The following DIS3L variants were observed in gnomAD, a reference collection of about 807,000 sequenced individuals.
DIS3L encodes DIS3-like exonuclease 1.
A neutral mutation model predicts 120.3 loss-of-function variants in DIS3L; 100 were observed. The observed-to-expected ratio is 0.83, with a 90% CI of 0.71 to 0.98. The LOEUF (loss-of-function observed/expected upper bound fraction) is 0.98. DIS3L is among the 50% of genes least tolerant of loss of function. DIS3L has a pLI of 0.00. For synonymous variants in DIS3L, 426 were observed against 470.6 expected (o/e 0.91, Z 1.23); for missense variants, 1,196 against 1,314.2 (o/e 0.91, Z 1.39).
At chr15:66,331,245 T>C (rs573851959) in intron 14 of DIS3L, among the ~76,000 whole-genome samples, 4 of 152,160 alleles carry the variant, frequency 2.6e-5, no homozygotes, top group South Asian at 2.1e-4. Context: ...AGGGTTTTCA[T>C]TGGACAGGCT....
rs767625690 is a variant in DIS3L, at chr15:66,311,896, T to C, written c.731T>C (p.Ile244Thr). Residue 244 changes from isoleucine to threonine, a missense_variant, in exon 5 of 17, where the codon ATC (isoleucine) becomes ACC (threonine). Transcript: ENST00000319212. ...LEAGIKSGRY[I>T]QGILNVNKHR... The stretch of plus-strand genomic sequence containing the variant: ...GCTGGGATTAAATCTGGACGCTATA[T>C]CCAGGTGAGGGTGGTAATTTAGAAT... 1 of 1,613,838 alleles carries C rather than the reference T, an allele frequency of 6.2e-7. No homozygotes were observed. Among genetic ancestry groups the C allele is most frequent in the Non-Finnish European group, 8.5e-7 (1 of 1,179,874 alleles).
In DIS3L at chr15:66,325,860, A is replaced by T; in HGVS notation, c.1697A>T (p.Asp566Val). The T allele has an allele frequency of 6.2e-7, 1 of 1,611,822 alleles. No homozygotes were observed. The highest frequency in any genetic ancestry group is 8.5e-7 in the Non-Finnish European group (1 of 1,177,958). The change falls in exon 12 of 17, where the codon GAT becomes GTT. Residue 566 changes from aspartate to valine, a missense_variant. Coordinates refer to ENST00000319212, the MANE Select transcript of DIS3L (RefSeq NM_001143688.3). ...GCTGTAAGCATCATGTGGGAACTGGATAAAGCCTCTTATGAAATTAAGAAA... is the reference window on the plus strand; with the variant it reads ...GCTGTAAGCATCATGTGGGAACTGGTTAAAGCCTCTTATGAAATTAAGAAA... ...RYAVSIMWEL[D>V]KASYEIKKVW... is the part of the protein sequence containing the mutation.
rs1488104328 is a variant in DIS3L, at chr15:66,293,649, C to T, written c.53C>T (p.Thr18Met). ...CTGCTGAGGACCTTCCAGGGCCGCA[C>T]GCTGCGGATCGTGCGCGAGCACTAC... Reference protein sequence around the residue: ...VLLLRTFQGRTLRIVREHYLR... With the variant: ...VLLLRTFQGRMLRIVREHYLR... The change falls in exon 1 of 17, where the codon ACG (threonine) becomes ATG (methionine). Residue 18 changes from threonine (T) to methionine (M), a missense_variant. Transcript: ENST00000319212. 7.0e-7 allele frequency: 1 copy of T among 1,437,776 alleles called. No homozygotes were observed. 89.1% of individuals were successfully genotyped at this position (1,437,776 alleles called of 1,614,324 possible).
At position 66,306,884 on chromosome 15, in the gene DIS3L, T is replaced by C; in HGVS notation, c.354T>C (p.Ala118=). 6.2e-7 allele frequency: 1 copy of C among 1,614,190 alleles called. No homozygotes were observed. Among genetic ancestry groups the C allele is most frequent in the South Asian group, 1.1e-5 (1 of 91,084 alleles). ...KDARHDCILF[A]NEFQQCCYLP... is the part of the protein sequence containing the mutation. ...CGCGTCATGATTGCATTCTCTTTGC[T>C]AATGAATTCCAGCAATGCTGCTATC... The change falls in exon 3 of 17, where the codon GCT becomes GCC. Residue 118 remains alanine (A), a synonymous_variant. Coordinates refer to ENST00000319212, the MANE Select transcript of DIS3L (RefSeq NM_001143688.3).
chr15:66,318,980 A>G (rs1467137268), intron 8 of DIS3L, among the ~76,000 whole-genome samples: 2 of 151,974 alleles, frequency 1.3e-5, no homozygotes, highest in Non-Finnish European at 2.9e-5. Flanking sequence ...TTTAGTAGAG[A>G]TGGGGTTTCA....
intron 2 of DIS3L, among the ~76,000 whole-genome samples, chr15:66,304,104 A>C (rs1424224965): frequency 1.3e-5 from 2 of 148,738 alleles, no homozygotes; most frequent in African/African-American, 2.5e-5. Context: ...AAAAAAAAAA[A>C]AAAAAAAACA....
At chr15:66,302,198 A>G (rs1246088333) in intron 2 of DIS3L, among the ~76,000 whole-genome samples, 1 of 152,120 alleles carries the variant, frequency 6.6e-6, no homozygotes, top group Non-Finnish European at 1.5e-5. Context: ...CCCTGTCTCA[A>G]TACAAAAAAA....
At chr15:66,332,314 G>A (rs931659487) in intron 15 of DIS3L, among the ~76,000 whole-genome samples, 51 of 152,110 alleles carry the variant, frequency 3.4e-4, no homozygotes, top group African/African-American at 1.2e-3. Flanking sequence ...AAAATTAGCC[G>A]GGCATGGTGA....
chr15:66,318,770 T>C (rs1009674684), intron 8 of DIS3L, 152 bp downstream of exon 8: 6 of 890,340 alleles, frequency 6.7e-6, no homozygotes, highest in African/African-American at 1.7e-5. Flanking sequence ...TACTGGGATG[T>C]GTTTTTTGGG....
At chr15:66,307,093 AC>A in intron 3 of DIS3L, 141 bp downstream of exon 3, 2 of 1,104,722 alleles carry the variant, frequency 1.8e-6, no homozygotes, top group Non-Finnish European at 2.5e-6. Flanking sequence ...CGAAATGCTT[AC>A]CATGTCAATA....
rs748277287 is a variant in DIS3L at position 66,306,907 on chromosome 15, A to C, written c.377A>C (p.Tyr126Ser). 6.2e-7 allele frequency: 1 copy of C among 1,614,164 alleles called. No homozygotes were observed. The highest frequency in any genetic ancestry group is 8.5e-7 in the Non-Finnish European group (1 of 1,179,998). The change falls in exon 3 of 17, where the codon TAT (tyrosine) becomes TCT (serine). Residue 126 changes from tyrosine (Y) to serine (S), a missense_variant. By Grantham distance (144) the Tyr-to-Ser change is moderately radical. Transcript: ENST00000319212. Reference sequence around the variant, plus strand: ...GCTAATGAATTCCAGCAATGCTGCTATCTGCCACGGGAAAGAGGAGAGTCC... The same window carrying C: ...GCTAATGAATTCCAGCAATGCTGCTCTCTGCCACGGGAAAGAGGAGAGTCC... ...LFANEFQQCCYLPRERGESME... is the reference protein window; with the variant it reads ...LFANEFQQCCSLPRERGESME...
intron 8 of DIS3L, 136 bp downstream of exon 8, chr15:66,318,754 C>G (rs1027464043): frequency 1.0e-6 from 1 of 959,856 alleles, no homozygotes; most frequent in Non-Finnish European, 1.5e-6. Context: ...ATCTGGCATT[C>G]CAAGATACTG....
At chr15:66,298,171 C>T (rs2140318418) in intron 2 of DIS3L, among the ~76,000 whole-genome samples, 1 of 112,326 alleles carries the variant, frequency 8.9e-6, no homozygotes, top group Non-Finnish European at 1.8e-5. Flanking sequence ...AAAAGCAAGA[C>T]TCCGTCTCAA....
intron 14 of DIS3L, 85 bp from the exon 15 acceptor site, chr15:66,331,789 AT>A: frequency 7.3e-7 from 1 of 1,364,572 alleles, no homozygotes; most frequent in Non-Finnish European, 9.6e-7. Flanking sequence ...GTTTTACAGA[AT>A]CTCACATTTG....
intron 2 of DIS3L, among the ~76,000 whole-genome samples, chr15:66,301,927 A>G (rs574278289): frequency 6.6e-6 from 1 of 152,218 alleles, no homozygotes; most frequent in Non-Finnish European, 1.5e-5. Flanking sequence ...CTAAGAAAAT[A>G]TATATGGGAG....
intron 7 of DIS3L, among the ~76,000 whole-genome samples, chr15:66,317,612 A>G (rs1050585998): frequency 1.3e-5 from 2 of 152,158 alleles, no homozygotes; most frequent in African/African-American, 4.8e-5. Flanking sequence ...GGCAAAAGAG[A>G]GAAAATGGGA....
chr15:66,313,759 G>GTGTGTGTGTGTATATATATA (rs575122856), intron 5 of DIS3L, among the ~76,000 whole-genome samples: 5 of 150,962 alleles, frequency 3.3e-5, no homozygotes, highest in African/African-American at 9.7e-5. Context: ...GTGTATATGT[G>GTGTGTGTGTGTATATATATA]TGTGTGTGTG....
rs536282995 is a variant in DIS3L, at chr15:66,317,355, A to G, written c.995-1094A>G. The stretch of plus-strand genomic sequence containing the variant: ...AGTAAATATTTGTGGGAAAAAAAAA[A>G]AAAAAAAGAAAAAAGAGAACATTTT... On this transcript the variant is annotated intron_variant, in intron 7 of 16. Transcript: ENST00000319212. Among the ~76,000 whole-genome samples, 10 of 148,886 alleles carry G rather than the reference A, an allele frequency of 6.7e-5. No homozygotes were observed. The South Asian group carries it at 2.1e-3, about 31-fold the overall frequency.
intron 2 of DIS3L, among the ~76,000 whole-genome samples, chr15:66,304,465 T>A (rs2092682151): frequency 1.3e-5 from 2 of 151,532 alleles, no homozygotes; most frequent in South Asian, 4.2e-4. Context: ...AAATATAGTG[T>A]CTTTGTGAAA....
Sources: allele counts gnomAD v4.1 joint callset (sites outside exome capture counted in the v4.1 genomes callset), GRCh38; gene constraint gnomAD v4.1.1; transcripts MANE v1.5; gene names NCBI Gene and HGNC (gene_info 2026-07-23, HGNC 2026-07-21).